Variants in DPYS observed in about 807,000 individuals in gnomAD.
DPYS encodes the protein dihydropyrimidinase, also known as dihydropyrimidine amidohydrolase.
In DPYS, 39 loss-of-function variants were observed where a neutral mutation model predicts 50.3. The ratio of observed to expected loss-of-function variants is 0.78; its 90% CI spans 0.60 to 1.01. DPYS has a LOEUF of 1.01. Ranked by LOEUF, DPYS falls within the 50% of genes least tolerant of loss-of-function variation. The pLI, the probability that DPYS is intolerant of heterozygous loss-of-function variation, is 0.00. For synonymous variants in DPYS, 245 were observed against 250.7 expected (o/e 0.98, Z 0.22); for missense variants, 659 against 680.9 (o/e 0.97, Z 0.36).
chr8:104,411,154 A>G (rs1246830423), intron 7 of DPYS, among the ~76,000 whole-genome samples: 1 of 152,092 alleles, frequency 6.6e-6, no homozygotes, highest in Admixed American at 6.5e-5. Context: ...CCAAAATGCA[A>G]CCTCTCTGAT....
At chr8:104,463,425 C>T (rs909098508) in intron 1 of DPYS, among the ~76,000 whole-genome samples, 3 of 152,174 alleles carry the variant, frequency 2.0e-5, no homozygotes, top group Admixed American at 6.5e-5. Context: ...TTATATGGCT[C>T]TGTCATCTAT....
At chr8:104,384,668 G>A (rs1811156594) in intron 8 of DPYS, among the ~76,000 whole-genome samples, 2 of 152,178 alleles carry the variant, frequency 1.3e-5, no homozygotes, top group African/African-American at 4.8e-5. Context: ...AGCAGTCAGG[G>A]TCAAAATAAA....
At chr8:104,452,480 T>C (rs1039689998) in intron 1 of DPYS, among the ~76,000 whole-genome samples, 1 of 152,140 alleles carries the variant, frequency 6.6e-6, no homozygotes, top group Non-Finnish European at 1.5e-5. Flanking sequence ...TAATTCGCCA[T>C]CTGCAAAGTG....
At chr8:104,426,450 A>C (rs1812723266) in intron 6 of DPYS, among the ~76,000 whole-genome samples, 1 of 152,210 alleles carries the variant, frequency 6.6e-6, no homozygotes, top group Non-Finnish European at 1.5e-5. Context: ...ATTACTGCAA[A>C]GGTCCAAACA....
At chr8:104,430,275 C>CA (rs1167260655) in intron 4 of DPYS, among the ~76,000 whole-genome samples, 2 of 151,468 alleles carry the variant, frequency 1.3e-5, no homozygotes, top group Non-Finnish European at 2.9e-5. Context: ...AAGAACTCCT[C>CA]AAAAAACGTG....
intron 7 of DPYS, among the ~76,000 whole-genome samples, 192 bp from the exon 8 acceptor site, chr8:104,393,183 T>G (rs73291225): frequency 6.6e-6 from 1 of 152,340 alleles, no homozygotes; most frequent in Non-Finnish European, 1.5e-5. Context: ...TACATTTTTC[T>G]GAGAGAAAAA....
intron 7 of DPYS, among the ~76,000 whole-genome samples, chr8:104,410,670 AACTCAAACCCTC>A (rs1157028777): frequency 1.3e-5 from 2 of 152,074 alleles, no homozygotes; most frequent in African/African-American, 4.8e-5. Flanking sequence ...GATTTGGATC[AACTCAAACCCTC>A]ACTCAAAGAC....
chr8:104,427,104 G>A (rs894360017), intron 6 of DPYS, among the ~76,000 whole-genome samples: 5 of 151,210 alleles, frequency 3.3e-5, no homozygotes, highest in Admixed American at 1.3e-4. Context: ...GGGAGGCTGA[G>A]GCAGGAGAAT....
At chr8:104,399,028 C>T (rs577896781) in intron 7 of DPYS, among the ~76,000 whole-genome samples, 3 of 152,178 alleles carry the variant, frequency 2.0e-5, no homozygotes, top group East Asian at 3.9e-4. Context: ...TGGTGGCTCA[C>T]GCCTGTAATC....
rs1259321141 is a variant in DPYS, at chr8:104,399,300, AAAAAAAAAAACAACAAC to A, written c.1236-6326_1236-6310del. On this transcript the variant is annotated intron_variant, in intron 7 of 9. Transcript: ENST00000351513. ...AGTGAGACTCCATCTCAAAAAAAAAAAAAAAAAAAACAACAACAAAAAAAAACCAAGAAAACCCACAT... is the reference window on the plus strand; with the variant it reads ...AGTGAGACTCCATCTCAAAAAAAAAAAAAAAAAAACCAAGAAAACCCACAT... 1.2e-4 allele frequency among the ~76,000 whole-genome samples: 5 copies of A among 42,584 alleles called. 1 individual carries two copies. The highest frequency in any genetic ancestry group is 2.4e-4 in the Non-Finnish European group (3 of 12,512). 27.9% of individuals were successfully genotyped at this position (42,584 alleles called of 152,430 possible).
intron 2 of DPYS, 21 bp from the exon 3 acceptor site, chr8:104,447,524 T>A: frequency 1.2e-6 from 2 of 1,612,612 alleles, no homozygotes; most frequent in Non-Finnish European, 1.7e-6. Context: ...GCAGCAACCA[T>A]AACAACAATA....
chr8:104,396,616 G>A (rs1811595840), intron 7 of DPYS, among the ~76,000 whole-genome samples: 1 of 152,100 alleles, frequency 6.6e-6, no homozygotes, highest in Non-Finnish European at 1.5e-5. Flanking sequence ...TAGAGAGTAT[G>A]TACATTATGT....
chr8:104,452,430 G>T (rs928963103), intron 1 of DPYS, among the ~76,000 whole-genome samples: 1 of 152,144 alleles, frequency 6.6e-6, no homozygotes, highest in Admixed American at 6.5e-5. Context: ...ACACTTATTC[G>T]CTGTGGTAAT....
chr8:104,413,164 C>A (rs957761744), intron 7 of DPYS, among the ~76,000 whole-genome samples: 5 of 152,044 alleles, frequency 3.3e-5, no homozygotes, highest in Admixed American at 6.5e-5. Flanking sequence ...AAGAATATAT[C>A]ATCAATTATG....
chr8:104,448,651 A>C (rs1159948299), intron 2 of DPYS, among the ~76,000 whole-genome samples: 1 of 152,216 alleles, frequency 6.6e-6, no homozygotes, highest in Non-Finnish European at 1.5e-5. Flanking sequence ...TTAGCTAATA[A>C]AAGTTCTTTC....
At chr8:104,423,596 C>T (rs943687705) in intron 7 of DPYS, among the ~76,000 whole-genome samples, 10 of 152,168 alleles carry the variant, frequency 6.6e-5, no homozygotes, top group Non-Finnish European at 1.2e-4. Flanking sequence ...TTCTCCACTA[C>T]GACTGCAAAA....
chr8:104,408,504 A>G (rs937795961), intron 7 of DPYS, among the ~76,000 whole-genome samples: 7 of 152,230 alleles, frequency 4.6e-5, no homozygotes, highest in African/African-American at 1.7e-4. Flanking sequence ...TTTTACCTGC[A>G]AAAGTAGCAA....
chr8:104,435,596 T>C (rs1269015371), intron 4 of DPYS, among the ~76,000 whole-genome samples: 1 of 152,018 alleles, frequency 6.6e-6, no homozygotes, highest in Non-Finnish European at 1.5e-5. Flanking sequence ...GGGCATTCTT[T>C]GCAAACTGTC....
In DPYS at chr8:104,444,277, G is replaced by C. The variant is rs1465748823; in HGVS notation, c.764C>G (p.Ala255Gly). Residue 255 changes from alanine (A) to glycine (G), a missense_variant, in exon 4 of 10, where the codon GCT (alanine) becomes GGT (glycine). Coordinates refer to ENST00000351513, the MANE Select transcript of DPYS (RefSeq NM_001385.3). Reference sequence around the variant, plus strand: ...TCTCCTTGCATCCGCTATCACCTTAGCTGCAGACTTGCTCATCACATGCAC... The same window carrying C: ...TCTCCTTGCATCCGCTATCACCTTACCTGCAGACTTGCTCATCACATGCAC... ...YIVHVMSKSA[A>G]KVIADARRDG... is the part of the protein sequence containing the mutation. 1.2e-6 allele frequency: 2 copies of C among 1,614,214 alleles called. No individual in the cohort carries two copies. The highest frequency in any genetic ancestry group is 2.2e-5 in the East Asian group (1 of 44,886).
Sources: gnomAD v4.1 joint callset for allele counts (sites outside exome capture counted in the v4.1 genomes callset) on GRCh38, gnomAD v4.1.1 for gene constraint, MANE v1.5 for transcripts, NCBI Gene and HGNC (gene_info 2026-07-23, HGNC 2026-07-21) for gene names.